CD84: variants seen among roughly 807,000 people sequenced by gnomAD.
CD84 encodes SLAM family member 5.
In CD84, 22 loss-of-function variants were observed where a neutral mutation model predicts 33.8. The observed-to-expected ratio is 0.65, with a 90% CI of 0.46 to 0.93. The LOEUF is 0.93. Among genes scored for constraint, CD84 ranks in the 40% least tolerant of loss-of-function variants. The pLI is 0.00. For missense variants in CD84, 400 were observed against 397.6 expected (o/e 1.01, Z -0.05); for synonymous variants, 154 against 145.2 (o/e 1.06, Z -0.44).
chr1:160,553,553 G>A, intron 3 of CD84, 56 bp from the exon 4 acceptor site: 1 of 1,604,732 alleles, frequency 6.2e-7, no homozygotes, highest in Non-Finnish European at 8.5e-7. Context: ...CCAAGAGGCT[G>A]GGCAGGTTTG....
intron 1 of CD84, among the ~76,000 whole-genome samples, chr1:160,568,605 A>G (rs1423797412): frequency 6.6e-6 from 1 of 152,096 alleles, no homozygotes; most frequent in Non-Finnish European, 1.5e-5. Context: ...CGAGGTCACA[A>G]AACCTTTCTT....
At chr1:160,572,859 G>A (rs1657777425) in intron 1 of CD84, among the ~76,000 whole-genome samples, 2 of 152,184 alleles carry the variant, frequency 1.3e-5, no homozygotes, top group Admixed American at 1.3e-4. Flanking sequence ...TGACTCTTAG[G>A]TAGCTATGGC....
At chr1:160,577,249 C>G (rs997625593) in intron 1 of CD84, among the ~76,000 whole-genome samples, 3 of 152,138 alleles carry the variant, frequency 2.0e-5, no homozygotes, top group African/African-American at 4.8e-5. Flanking sequence ...TTCTCAGCCT[C>G]TTCAACTGCT....
In CD84 at chr1:160,545,537, C is replaced by G. The variant is rs955733144; in HGVS notation, c.*2719G>C. On this transcript the variant is annotated 3_prime_UTR_variant, in exon 7 of 7. Coordinates refer to ENST00000368054, the MANE Select transcript of CD84 (RefSeq NM_003874.4). Reference sequence around the variant, plus strand: ...ACTGGTTAGGTGCTTCAGCTGACCTCTTAGTTGGTCTGCCTAACTCTGAAA... The same window carrying G: ...ACTGGTTAGGTGCTTCAGCTGACCTGTTAGTTGGTCTGCCTAACTCTGAAA... The G allele has an allele frequency of 3.9e-5, 6 of 152,208 alleles. No homozygotes were observed. Among genetic ancestry groups the G allele is most frequent in the African/African-American group, 1.4e-4 (6 of 41,422 alleles). The allele number at this position is 152,208 out of a possible 1,614,324, so 9.4% of individuals were successfully genotyped here.
At chr1:160,555,081 CTTTTT>C (rs35518975) in intron 2 of CD84, among the ~76,000 whole-genome samples, 1 of 138,522 alleles carries the variant, frequency 7.2e-6, no homozygotes. Flanking sequence ...ATGAAATAAT[CTTTTT>C]TTTTTTTTTT....
chr1:160,550,213 G>A (rs1046269402), intron 5 of CD84, among the ~76,000 whole-genome samples: 1 of 151,818 alleles, frequency 6.6e-6, no homozygotes, highest in Non-Finnish European at 1.5e-5. Context: ...AAAACCTCAG[G>A]GGCCAAGAGG....
At chr1:160,557,288 C>T (rs1027578137) in intron 2 of CD84, among the ~76,000 whole-genome samples, 7 of 152,206 alleles carry the variant, frequency 4.6e-5, no homozygotes, top group Non-Finnish European at 5.9e-5. Context: ...ATTCAATCAT[C>T]TTATATTAAT....
At chr1:160,556,918 GT>G (rs1656648500) in intron 2 of CD84, among the ~76,000 whole-genome samples, 2 of 152,148 alleles carry the variant, frequency 1.3e-5, no homozygotes, top group African/African-American at 4.8e-5. Flanking sequence ...TCTCGAATGA[GT>G]TAAATATTTT....
chr1:160,548,431 G>C, intron 6 of CD84, 110 bp from the exon 7 acceptor site: 1 of 1,108,362 alleles, frequency 9.0e-7, no homozygotes, highest in Non-Finnish European at 1.3e-6. Flanking sequence ...GAATGCCTTA[G>C]ATTTGCCTCA....
In CD84 at chr1:160,548,083, C is replaced by T; in HGVS notation, c.*173G>A. 1.5e-6 allele frequency: 1 copy of T among 647,904 alleles called. No homozygotes were observed. The highest frequency in any genetic ancestry group is 1.8e-5 in the African/African-American group (1 of 55,146). The allele number at this position is 647,904 out of a possible 1,614,324, so 40.1% of individuals were successfully genotyped here. On this transcript the variant is annotated 3_prime_UTR_variant, in exon 7 of 7. Coordinates refer to ENST00000368054, the MANE Select transcript of CD84 (RefSeq NM_003874.4). ...TCAGGAAGGGTATGCATCCATTTGTCCATTTAGGCACAAGCTATGCCCAGC... is the reference window on the plus strand; with the variant it reads ...TCAGGAAGGGTATGCATCCATTTGTTCATTTAGGCACAAGCTATGCCCAGC...
rs566905157 is a variant in CD84, at chr1:160,565,871, C to G, written c.47-126G>C. ...CAGTTCACCCAGTTTCTTGAGGATGCCTTTTTTTTTTTTTGGCATTCTACT... is the reference window on the plus strand; with the variant it reads ...CAGTTCACCCAGTTTCTTGAGGATGGCTTTTTTTTTTTTTGGCATTCTACT... On this transcript the variant is annotated intron_variant, in intron 1 of 6. Transcript: ENST00000368054. The G allele has an allele frequency of 1.0e-4, 72 of 708,088 alleles. 1 individual carries two copies. The South Asian group carries it at 1.5e-3, about 15-fold the overall frequency. 43.9% of individuals were successfully genotyped at this position (708,088 alleles called of 1,614,324 possible).
chr1:160,569,242 C>A (rs1247807989), intron 1 of CD84, among the ~76,000 whole-genome samples: 2 of 152,094 alleles, frequency 1.3e-5, no homozygotes, highest in African/African-American at 4.8e-5. Flanking sequence ...GTTTCAGGTA[C>A]CCTGGATAGA....
chr1:160,553,016 C>T (rs758763452), intron 4 of CD84: 26 of 566,254 alleles, frequency 4.6e-5, no homozygotes, highest in Non-Finnish European at 7.0e-5. Flanking sequence ...AATCAAAATA[C>T]AATGAAATTG....
At chr1:160,549,809 T>TAAGATCAGGTTTTCTGAATGGAGAATGGC (rs1386733366) in intron 6 of CD84, 108 bp downstream of exon 6, 1 of 852,262 alleles carries the variant, frequency 1.2e-6, no homozygotes, top group East Asian at 2.4e-5. Context: ...TCCTGAGAAC[T>TAAGATCAGGTTTTCTGAATGGAGAATGGC]ACAAGGAGTC....
Position 160,547,075 on chromosome 1 carries a change from G to A in CD84, c.*1181C>T. 2.5e-6 allele frequency: 1 copy of A among 398,844 alleles called. No homozygotes were observed. Among genetic ancestry groups the A allele is most frequent in the Non-Finnish European group, 4.4e-6 (1 of 226,054 alleles). 24.7% of individuals were successfully genotyped at this position (398,844 alleles called of 1,614,324 possible). A position where few individuals can be genotyped will look rare whatever the true frequency, so the allele number is the denominator to read the frequency against. ...ATGAATGTCTTGCTCAGTTGTGAAT[G>A]ATTCTTCCTCATTGAGGAGAGTTAA... is the stretch of plus-strand genomic sequence containing the variant. On this transcript the variant is annotated 3_prime_UTR_variant, in exon 7 of 7. Transcript: ENST00000368054.
intron 6 of CD84, 32 bp downstream of exon 6, chr1:160,549,885 A>T (rs1338127781): frequency 1.4e-5 from 21 of 1,546,144 alleles, no homozygotes; most frequent in Non-Finnish European, 1.8e-5. Flanking sequence ...AAGAGTTAGG[A>T]AAGCAAGGAT....
In CD84 at chr1:160,573,505, G is replaced by C. The variant is rs1177050176; in HGVS notation, c.46+5887C>G. On this transcript the variant is annotated intron_variant, in intron 1 of 6. Coordinates refer to ENST00000368054, the MANE Select transcript of CD84 (RefSeq NM_003874.4). ...TCAGCTCCCTCTGTTCTGTAAACAGGCCAAGGGCACTTTGCCTTAGAGCTT... is the reference window on the plus strand; with the variant it reads ...TCAGCTCCCTCTGTTCTGTAAACAGCCCAAGGGCACTTTGCCTTAGAGCTT... 2.0e-5 allele frequency among the ~76,000 whole-genome samples: 3 copies of C among 152,022 alleles called. No homozygotes were observed. In the South Asian group the frequency reaches 6.2e-4, roughly 32 times the overall value.
chr1:160,541,220 A>G lies in CD84; in HGVS notation c.*7036T>C, dbSNP rs1312626401. The G allele has an allele frequency of 6.6e-6, 1 of 152,230 alleles. No individual in the cohort carries two copies. The highest frequency in any genetic ancestry group is 1.5e-5 in the Non-Finnish European group (1 of 68,040). 9.4% of individuals were successfully genotyped at this position (152,230 alleles called of 1,614,324 possible). A position where few individuals can be genotyped will look rare whatever the true frequency, so the allele number is the denominator to read the frequency against. On this transcript the variant is annotated 3_prime_UTR_variant, in exon 7 of 7. Coordinates refer to ENST00000368054, the MANE Select transcript of CD84 (RefSeq NM_003874.4). Reference sequence around the variant, plus strand: ...TTAATGGGCATTTACAAATGCCTGAAATAAAAGGTGACTTGTAGAAGGGAT... The same window carrying G: ...TTAATGGGCATTTACAAATGCCTGAGATAAAAGGTGACTTGTAGAAGGGAT...
chr1:160,565,756 A>G lies in CD84; in HGVS notation c.47-11T>C, dbSNP rs1657287093. 1.1e-5 allele frequency: 18 copies of G among 1,565,386 alleles called. No homozygotes were observed. The highest frequency in any genetic ancestry group is 1.6e-5 in the Non-Finnish European group (18 of 1,158,492). ...CAGCTGCTTCCGGCCCTGAGAACAT[A>G]AAAAGAAAACTGTAGCCATCTGACT... On this transcript the variant is annotated splice_polypyrimidine_tract_variant and intron_variant, in intron 1 of 6. Coordinates refer to ENST00000368054, the MANE Select transcript of CD84 (RefSeq NM_003874.4).
Sources: allele counts gnomAD v4.1 joint callset (sites outside exome capture counted in the v4.1 genomes callset), GRCh38; gene constraint gnomAD v4.1.1; transcripts MANE v1.5; gene names NCBI Gene and HGNC (gene_info 2026-07-23, HGNC 2026-07-21).